The following ASGR2 variants were observed in gnomAD, a reference collection of about 807,000 sequenced individuals.
ASGR2 encodes asialoglycoprotein receptor 2, also known as C-type lectin domain family 4 member H2.
ASGR2 carries 34 observed loss-of-function variants against 32.3 expected under a neutral mutation model. The ratio of observed to expected loss-of-function variants is 1.05; its 90% confidence interval spans 0.80 to 1.40. The LOEUF (loss-of-function observed/expected upper bound fraction) is 1.40. Among genes scored for constraint, ASGR2 ranks in the 40% most tolerant of loss-of-function variants. ASGR2 has a pLI of 0.00. For synonymous variants in ASGR2, 143 were observed against 150.0 expected, an observed-to-expected ratio of 0.95 and a Z score of 0.34; for missense variants, 385 against 386.4, an observed-to-expected ratio of 1.00 and a Z score of 0.03.
At chr17:7,103,041 C>T (rs888818394) in intron 7 of ASGR2, among the ~76,000 whole-genome samples, 3 of 152,078 alleles carry the variant, frequency 2.0e-5, no homozygotes, top group South Asian at 2.1e-4. Context: ...ACCTAGGTCC[C>T]GTGGTTCGGT....
At position 7,114,465 on chromosome 17, in the gene ASGR2, C is replaced by T; in HGVS notation, c.-71+150G>A. ...CTGGGTCCTTTCCCTTCTCAGGAGA[C>T]CGCTTGGGCCTTGACCTGGCCAGGA... On this transcript the variant is annotated intron_variant, in intron 1 of 8. Transcript: ENST00000691900. The surrounding 1 kb of genome is among the most constrained non-coding windows in gnomAD (Gnocchi z 4.5). The T allele has an allele frequency of 7.3e-7, 1 of 1,375,188 alleles. No individual in the cohort carries two copies. The highest frequency in any genetic ancestry group is 9.4e-7 in the Non-Finnish European group (1 of 1,063,266). The allele number at this position is 1,375,188 out of a possible 1,614,324, so 85.2% of individuals were successfully genotyped here. A position where few individuals can be genotyped will look rare whatever the true frequency, so the allele number is the denominator to read the frequency against.
chr17:7,106,957 C>CCTTCCAAGGG, intron 7 of ASGR2, 43 bp downstream of exon 7: 1 of 1,609,834 alleles, frequency 6.2e-7, no homozygotes, highest in Non-Finnish European at 8.5e-7. Flanking sequence ...CCAGAGCAGG[C>CCTTCCAAGGG]CTTCCAAGGG....
rs1440985277 is a variant in ASGR2, at chr17:7,113,826, G to A, written c.124+291C>T. 6.6e-6 allele frequency among the ~76,000 whole-genome samples: 1 copy of A among 152,008 alleles called. No homozygotes were observed. The highest frequency in any genetic ancestry group is 1.5e-5 in the Non-Finnish European group (1 of 68,032). The stretch of plus-strand genomic sequence containing the variant: ...CACACACACACACAGAGTCCCAGCT[G>A]AATCTGCATTCCTCATATGCACATA... On this transcript the variant is annotated intron_variant, in intron 2 of 8. Coordinates refer to ENST00000691900, the MANE Select transcript of ASGR2 (RefSeq NM_001201352.2). This position sits in a 1 kb window ranked among gnomAD's most constrained non-coding sequence, Gnocchi z 5.1.
rs1597399333 is a variant in ASGR2, at chr17:7,114,058, A to T, written c.124+59T>A. 2 of 1,606,410 alleles carry T rather than the reference A, an allele frequency of 1.2e-6. No individual in the cohort carries two copies. Among genetic ancestry groups the T allele is most frequent in the Non-Finnish European group, 1.7e-6 (2 of 1,176,360 alleles). The stretch of plus-strand genomic sequence containing the variant: ...TGGGTGCGGCAGAGACCTCAAAGGG[A>T]CAGAGCAATCATGAGCTGAGACAGA... On this transcript the variant is annotated intron_variant, in intron 2 of 8. Transcript: ENST00000691900. The surrounding 1 kb of genome is among the most constrained non-coding windows in gnomAD (Gnocchi z 4.5).
At position 7,114,517 on chromosome 17, in the gene ASGR2, A is replaced by G; in HGVS notation, c.-71+98T>C. 1 of 1,241,314 alleles carries G rather than the reference A, an allele frequency of 8.1e-7. No homozygotes were observed. Among genetic ancestry groups the G allele is most frequent in the Non-Finnish European group, 1.0e-6 (1 of 984,270 alleles). The allele number at this position is 1,241,314 out of a possible 1,614,324, so 76.9% of individuals were successfully genotyped here. On this transcript the variant is annotated intron_variant, in intron 1 of 8. Coordinates refer to ENST00000691900, the MANE Select transcript of ASGR2 (RefSeq NM_001201352.2). This position sits in a 1 kb window ranked among gnomAD's most constrained non-coding sequence, Gnocchi z 4.5. ...ACCCCTCCCCACGCTCATGGACCCG[A>G]CCACCCACAGCTTCCCATGGGGTCC...
In ASGR2 at chr17:7,114,748, G is replaced by A. The variant is rs1007141338; in HGVS notation, c.-204C>T. On this transcript the variant is annotated 5_prime_UTR_variant, in exon 1 of 9. Transcript: ENST00000691900. The surrounding 1 kb of genome is among the most constrained non-coding windows in gnomAD (Gnocchi z 4.5). ...AGGAGAGTGGAGGAGGGGCTGGTCC[G>A]GGCAAGGCCTGCACTGGAGGGTCTG... 75 of 1,001,956 alleles carry A rather than the reference G, an allele frequency of 7.5e-5. No individual in the cohort carries two copies. Among genetic ancestry groups the A allele is most frequent in the Middle Eastern group, 5.1e-4 (1 of 1,952 alleles). 62.1% of individuals were successfully genotyped at this position (1,001,956 alleles called of 1,614,324 possible). A position where few individuals can be genotyped will look rare whatever the true frequency, so the allele number is the denominator to read the frequency against.
At chr17:7,104,030 G>A (rs4490049) in intron 7 of ASGR2, among the ~76,000 whole-genome samples, 6,675 of 150,896 alleles carry the variant, frequency 0.044, 464 homozygotes, top group African/African-American at 0.15. Context: ...GATAAGGAAA[G>A]GAAATGAAAA....
chr17:7,102,476 G>A (rs1168487428), intron 7 of ASGR2, among the ~76,000 whole-genome samples: 1 of 152,192 alleles, frequency 6.6e-6, no homozygotes, highest in Non-Finnish European at 1.5e-5. Flanking sequence ...ACCACATTTT[G>A]CAGGGAGTTG....
At position 7,113,085 on chromosome 17, in the gene ASGR2, G is replaced by A. The variant is rs1157828238; in HGVS notation, c.124+1032C>T. Among the ~76,000 whole-genome samples the A allele has an allele frequency of 2.0e-5, 3 of 151,954 alleles. No individual in the cohort carries two copies. Among genetic ancestry groups the A allele is most frequent in the African/African-American group, 7.3e-5 (3 of 41,344 alleles). On this transcript the variant is annotated intron_variant, in intron 2 of 8. Transcript: ENST00000691900. The surrounding 1 kb of genome is among the most constrained non-coding windows in gnomAD (Gnocchi z 5.1). ...GAGGTGGGAGGATGGCTTGAGCCCAGGAGTTCGAGGTTGCAGTGAGCTATG... is the reference window on the plus strand; with the variant it reads ...GAGGTGGGAGGATGGCTTGAGCCCAAGAGTTCGAGGTTGCAGTGAGCTATG...
chr17:7,106,942 G>A (rs1913787508), intron 7 of ASGR2, 58 bp downstream of exon 7: 2 of 1,577,752 alleles, frequency 1.3e-6, no homozygotes, highest in African/African-American at 1.4e-5. Context: ...GCCTGATCCA[G>A]CCTCCCAGAG....
At chr17:7,110,602 T>A (rs1914498869) in intron 2 of ASGR2, among the ~76,000 whole-genome samples, 1 of 152,198 alleles carries the variant, frequency 6.6e-6, no homozygotes, top group Non-Finnish European at 1.5e-5. Context: ...GCTTCCATTT[T>A]CTCGTGTGTA....
chr17:7,108,940 G>A lies in ASGR2; in HGVS notation c.125-52C>T, dbSNP rs1369679095. 7 of 1,535,484 alleles carry A rather than the reference G, an allele frequency of 4.6e-6. No homozygotes were observed. The highest frequency in any genetic ancestry group is 5.3e-6 in the Non-Finnish European group (6 of 1,139,246). On this transcript the variant is annotated intron_variant, in intron 2 of 8. Coordinates refer to ENST00000691900, the MANE Select transcript of ASGR2 (RefSeq NM_001201352.2). The surrounding 1 kb of genome is among the most constrained non-coding windows in gnomAD (Gnocchi z 4.9). Reference sequence around the variant, plus strand: ...GCAGCCTGGGTGTGGGGAGCCGGAGGGTAAAGACAGGGCACCGAAGCCTGA... The same window carrying A: ...GCAGCCTGGGTGTGGGGAGCCGGAGAGTAAAGACAGGGCACCGAAGCCTGA...
At position 7,107,933 on chromosome 17, in the gene ASGR2, C is replaced by T; in HGVS notation, c.338-26G>A. 1 of 1,613,448 alleles carries T rather than the reference C, an allele frequency of 6.2e-7. No homozygotes were observed. The highest frequency in any genetic ancestry group is 8.5e-7 in the Non-Finnish European group (1 of 1,179,764). On this transcript the variant is annotated intron_variant, in intron 4 of 8. Transcript: ENST00000691900. The surrounding 1 kb of genome is among the most constrained non-coding windows in gnomAD (Gnocchi z 5.0). ...CTGGAAGCGGAAAGCCAGCTGTTTC[C>T]CCGCTGAGCCTCCCTCCGTCCTCAT... is the stretch of plus-strand genomic sequence containing the variant.
chr17:7,114,295 G>T lies in ASGR2; in HGVS notation c.-55C>A. On this transcript the variant is annotated 5_prime_UTR_variant, in exon 2 of 9. Coordinates refer to ENST00000691900, the MANE Select transcript of ASGR2 (RefSeq NM_001201352.2). The surrounding 1 kb of genome is among the most constrained non-coding windows in gnomAD (Gnocchi z 4.5). ...AGCTGGGCTGGGCTGGGCTGAGGTT[G>T]CTCTGAGGGCTGGGGCTGGGGCAGA... The T allele has an allele frequency of 8.7e-6, 14 of 1,601,958 alleles. No individual in the cohort carries two copies. Among genetic ancestry groups the T allele is most frequent in the Non-Finnish European group, 1.2e-5 (14 of 1,175,648 alleles).
chr17:7,109,750 T>A lies in ASGR2; in HGVS notation c.125-862A>T, dbSNP rs1273227244. On this transcript the variant is annotated intron_variant, in intron 2 of 8. Transcript: ENST00000691900. ...CTCAAAAACACACATTTGCACACAC[T>A]CATGACCACGCTCTGCTGTACCCAC... Among the ~76,000 whole-genome samples the A allele has an allele frequency of 4.0e-5, 6 of 151,760 alleles. 1 individual carries two copies. The highest frequency in any genetic ancestry group is 7.4e-5 in the Non-Finnish European group (5 of 67,938).
rs1914974262 is a variant in ASGR2 at position 7,113,360 on chromosome 17, C to A, written c.124+757G>T. ...CACTCACGCAACACACTCACACACA[C>A]AACATACATAACACACTCACAACAT... On this transcript the variant is annotated intron_variant, in intron 2 of 8. Coordinates refer to ENST00000691900, the MANE Select transcript of ASGR2 (RefSeq NM_001201352.2). The surrounding 1 kb of genome is among the most constrained non-coding windows in gnomAD (Gnocchi z 5.1). 6.6e-6 allele frequency among the ~76,000 whole-genome samples: 1 copy of A among 150,430 alleles called. No homozygotes were observed. Among genetic ancestry groups the A allele is most frequent in the African/African-American group, 2.4e-5 (1 of 40,892 alleles).
At chr17:7,101,834 C>T (rs1284230648) in intron 8 of ASGR2, 94 bp from the exon 9 acceptor site, 7 of 1,488,976 alleles carry the variant, frequency 4.7e-6, no homozygotes, top group East Asian at 4.6e-5. Context: ...CCTTGAAGGC[C>T]GAGAGTGGAG....
chr17:7,111,416 G>A (rs1914600937), intron 2 of ASGR2, among the ~76,000 whole-genome samples: 1 of 152,144 alleles, frequency 6.6e-6, no homozygotes, highest in African/African-American at 2.4e-5. Flanking sequence ...CAGCACTGTG[G>A]GAGGCCAAGG....
chr17:7,102,860 T>C (rs533828044), intron 7 of ASGR2, among the ~76,000 whole-genome samples: 1 of 151,976 alleles, frequency 6.6e-6, no homozygotes, highest in African/African-American at 2.4e-5. Flanking sequence ...CGGGGCAAAA[T>C]AGGAAGACAC....
Sources: gnomAD v4.1 joint callset for allele counts (sites outside exome capture counted in the v4.1 genomes callset) on GRCh38, gnomAD v4.1.1 for gene constraint, Gnocchi (gnomAD v3.1) non-coding constraint, MANE v1.5 for transcripts, NCBI Gene and HGNC (gene_info 2026-07-23, HGNC 2026-07-21) for gene names.